Variants in AHNAK observed in about 807,000 individuals in gnomAD.
AHNAK encodes the protein neuroblast differentiation-associated protein AHNAK.
Under a neutral mutation model 37.8 loss-of-function variants are expected in AHNAK, and 23 were observed. That is an observed-to-expected ratio of 0.61 (90% CI 0.44 to 0.86). The LOEUF is 0.86. Among genes scored for constraint, AHNAK ranks in the 40% least tolerant of loss-of-function variants. The pLI is 0.00. For missense variants in AHNAK, 7,411 were observed against 7,319.4 expected (o/e 1.01, Z -0.46); for synonymous variants, 2,481 against 2,636.3 (o/e 0.94, Z 1.80).
intron 5 of AHNAK, among the ~76,000 whole-genome samples, chr11:62,480,632 G>A (rs931505174): frequency 1.3e-5 from 2 of 151,420 alleles, no homozygotes; most frequent in Non-Finnish European, 2.9e-5. Flanking sequence ...TTGCACTCCA[G>A]CCTGGGTGAC....
At chr11:62,515,507 C>T (rs1381624487), downstream of AHNAK, among the ~76,000 whole-genome samples, 1 of 152,222 alleles carries the variant, frequency 6.6e-6, no homozygotes, top group East Asian at 1.9e-4. Flanking sequence ...ACAGCGGTTA[C>T]TCAGCAAACC....
intron 5 of AHNAK, among the ~76,000 whole-genome samples, chr11:62,489,225 A>G: frequency 6.8e-6 from 1 of 147,934 alleles, no homozygotes; most frequent in African/African-American, 2.5e-5. Context: ...TGGGTCACAG[A>G]GTGAGACTCC....
At position 62,531,872 on chromosome 11, in the gene AHNAK, C is replaced by G; in HGVS notation, c.2545G>C (p.Val849Leu). The change falls in exon 5 of 5, where the codon GTT (valine) becomes CTT (leucine). Residue 849 changes from valine to leucine, a missense_variant. Val to Leu is a conservative substitution (Grantham distance 32). Transcript: ENST00000378024. The part of the protein sequence containing the change: ...TMPKVESEIK[V>L]PDVELKSAKM... The stretch of plus-strand genomic sequence containing the variant: ...GCACTTTTAAGTTCAACATCAGGAA[C>G]TTTAATCTCACTTTCAACCTTTGGC... 1.2e-6 allele frequency: 2 copies of G among 1,613,266 alleles called. No individual in the cohort carries two copies. Among genetic ancestry groups the G allele is most frequent in the Non-Finnish European group, 1.7e-6 (2 of 1,179,882 alleles).
intron 5 of AHNAK, among the ~76,000 whole-genome samples, chr11:62,453,290 C>T (rs1938581392): frequency 6.7e-6 from 1 of 150,372 alleles, no homozygotes; most frequent in Non-Finnish European, 1.5e-5. Flanking sequence ...TCGTCATCAG[C>T]TTCCCTGATG....
At chr11:62,478,620 C>G (rs950716436) in intron 5 of AHNAK, among the ~76,000 whole-genome samples, 1 of 151,852 alleles carries the variant, frequency 6.6e-6, no homozygotes, top group Non-Finnish European at 1.5e-5. Context: ...TGGTGGCACA[C>G]GCCTGTGGTC....
At chr11:62,534,498 T>C (rs1940880671) in intron 4 of AHNAK, among the ~76,000 whole-genome samples, 1 of 152,218 alleles carries the variant, frequency 6.6e-6, no homozygotes, top group Non-Finnish European at 1.5e-5. Flanking sequence ...AAGCACTCGT[T>C]GAGCCTAAGA....
chr11:62,502,604 G>C (rs994407895), intron 4 of AHNAK, among the ~76,000 whole-genome samples: 3 of 152,126 alleles, frequency 2.0e-5, no homozygotes, highest in African/African-American at 7.2e-5. Context: ...CTGACAGTCC[G>C]GAGCAAGAGG....
intron 5 of AHNAK, among the ~76,000 whole-genome samples, chr11:62,444,960 G>C (rs1311715687): frequency 1.3e-5 from 2 of 152,168 alleles, no homozygotes; most frequent in Admixed American, 1.3e-4. Context: ...TCTGTTCCTC[G>C]CCCATTACCA....
Position 62,528,923 on chromosome 11 carries a change from C to T in AHNAK, c.5494G>A (p.Glu1832Lys), listed in dbSNP as rs1421767555. The T allele has an allele frequency of 6.2e-7, 1 of 1,614,130 alleles. No homozygotes were observed. The highest frequency in any genetic ancestry group is 8.5e-7 in the Non-Finnish European group (1 of 1,180,024). ...CCTTTCAACTTTGCATCAGGACACT[C>T]CAGATCAACATCGGGCACCTCCGCT... ...VEAEVPDVDL[E>K]CPDAKLKGPK... Residue 1832 changes from glutamate to lysine, a missense_variant, in exon 5 of 5, where the codon GAG (glutamate) becomes AAG (lysine). Glu to Lys is a moderately conservative substitution (Grantham distance 56). Transcript: ENST00000378024.
At position 62,502,570 on chromosome 11, in the gene AHNAK, G is replaced by T. The variant is rs1382886482; in HGVS notation, c.343-10739C>A. Among the ~76,000 whole-genome samples the T allele has an allele frequency of 2.6e-5, 4 of 152,296 alleles. No homozygotes were observed. In the South Asian group the frequency reaches 6.2e-4, roughly 24 times the overall value. The stretch of plus-strand genomic sequence containing the variant: ...GTGCTGGAGACATAATGATGGACAA[G>T]CATACTACTTCTCACTCACAGAGCT... On this transcript the variant is annotated intron_variant, in intron 4 of 5. Transcript: ENST00000257247.
intron 3 of AHNAK, among the ~76,000 whole-genome samples, 177 bp from the exon 4 acceptor site, chr11:62,535,367 G>A (rs1276985925): frequency 6.6e-6 from 1 of 152,154 alleles, no homozygotes; most frequent in Non-Finnish European, 1.5e-5. Flanking sequence ...AATTTGTGGG[G>A]GCCAGGTGCA....
intron 5 of AHNAK, among the ~76,000 whole-genome samples, chr11:62,436,577 C>T (rs1938176218): frequency 6.6e-6 from 1 of 151,382 alleles, no homozygotes; most frequent in Non-Finnish European, 1.5e-5. Context: ...TTGGGTGCTC[C>T]ATAAATTATT....
intron 1 of AHNAK, among the ~76,000 whole-genome samples, chr11:62,544,625 G>A (rs1389142414): frequency 6.6e-6 from 1 of 152,078 alleles, no homozygotes; most frequent in East Asian, 1.9e-4. Context: ...CCTAACTTGG[G>A]GGCTCCCCTG....
chr11:62,484,850 C>A (rs536908294), intron 5 of AHNAK, among the ~76,000 whole-genome samples: 3 of 152,160 alleles, frequency 2.0e-5, no homozygotes, highest in Non-Finnish European at 4.4e-5. Flanking sequence ...AGTGCAATTG[C>A]GTGATCTCAG....
intron 5 of AHNAK, among the ~76,000 whole-genome samples, chr11:62,464,231 G>A (rs1005441424): frequency 1.5e-4 from 23 of 150,830 alleles, no homozygotes; most frequent in African/African-American, 2.7e-4. Flanking sequence ...TTTTGGGGGC[G>A]GGGCGGTGTA....
rs1590670031 is a variant in AHNAK at position 62,528,212 on chromosome 11, C to T, written c.6205G>A (p.Asp2069Asn). 6.2e-6 allele frequency: 10 copies of T among 1,614,142 alleles called. No individual in the cohort carries two copies. The East Asian group carries it at 2.0e-4, about 32-fold the overall frequency. ...PGFKAEGPEV[D>N]VNLPKADVVV... ...ACATCAGCCTTGGGCAAGTTCACAT[C>T]CACTTCTGGGCCCTCTGCTTTGAAG... The change falls in exon 5 of 5, where the codon GAT (aspartate) becomes AAT (asparagine). Residue 2069 changes from aspartate to asparagine, a missense_variant. Transcript: ENST00000378024.
intron 4 of AHNAK, among the ~76,000 whole-genome samples, chr11:62,495,546 C>T (rs1473994027): frequency 6.6e-6 from 1 of 150,886 alleles, no homozygotes; most frequent in Non-Finnish European, 1.5e-5. Flanking sequence ...GCCTGGCCAA[C>T]GTGGTGAAAC....
rs377113575 is a variant in AHNAK at position 62,525,360 on chromosome 11, G to A, written c.9057C>T (p.His3019=). 7.4e-6 allele frequency: 12 copies of A among 1,612,804 alleles called. No homozygotes were observed. Among genetic ancestry groups the A allele is most frequent in the Middle Eastern group, 1.6e-4 (1 of 6,072 alleles). ...GCATTTTCACTTTGGGCATTTTTAG[G>A]TGCCAGTCTGGGCCTTGAACGCCCA... ...PDVGVQGPDW[H]LKMPKVKMPK... The change falls in exon 5 of 5, where the codon CAC becomes CAT. Residue 3019 remains histidine (H), a synonymous_variant. Coordinates refer to ENST00000378024, the MANE Select transcript of AHNAK (RefSeq NM_001620.3).
intron 5 of AHNAK, among the ~76,000 whole-genome samples, chr11:62,440,273 T>A (rs146578268): frequency 6.6e-6 from 1 of 151,922 alleles, no homozygotes; most frequent in Non-Finnish European, 1.5e-5. Flanking sequence ...GAAACGACAC[T>A]GAGAGGGGGA....
Sources: gnomAD v4.1 joint callset for allele counts (sites outside exome capture counted in the v4.1 genomes callset) on GRCh38, gnomAD v4.1.1 for gene constraint, MANE v1.5 for transcripts, NCBI Gene and HGNC (gene_info 2026-07-23, HGNC 2026-07-21) for gene names.